Variants in LYPD6B observed in about 807,000 individuals in gnomAD.
LYPD6B encodes ly6/PLAUR domain-containing protein 6B.
A neutral mutation model predicts 22.8 loss-of-function variants in LYPD6B; 17 were observed. The ratio of observed to expected loss-of-function variants is 0.75; its 90% CI spans 0.51 to 1.12. The LOEUF is 1.12. Among genes scored for constraint, LYPD6B ranks in the 50% most tolerant of loss-of-function variants. LYPD6B has a pLI of 0.00. For missense variants in LYPD6B, 221 were observed against 258.3 expected (o/e 0.86, Z 0.99); for synonymous variants, 106 against 91.6 (o/e 1.16, Z -0.90).
chr2:149,177,448 C>T (rs1691395920), intron 3 of LYPD6B, among the ~76,000 whole-genome samples: 2 of 152,216 alleles, frequency 1.3e-5, no homozygotes, highest in Non-Finnish European at 2.9e-5. Flanking sequence ...CTATTTCCTT[C>T]TGTCTCTTAT....
chr2:149,082,480 A>G (rs1685181470), intron 1 of LYPD6B, among the ~76,000 whole-genome samples: 1 of 152,226 alleles, frequency 6.6e-6, no homozygotes, highest in East Asian at 1.9e-4. Context: ...GGAGAGAAAT[A>G]GAGAAGTTCT....
At chr2:149,117,782 A>T (rs918096776) in intron 1 of LYPD6B, among the ~76,000 whole-genome samples, 8 of 152,176 alleles carry the variant, frequency 5.3e-5, no homozygotes, top group Admixed American at 2.0e-4. Context: ...ATCTATTGCT[A>T]TGTAACAAAG....
At chr2:149,151,206 G>C (rs150556370) in intron 2 of LYPD6B, among the ~76,000 whole-genome samples, 1 of 152,086 alleles carries the variant, frequency 6.6e-6, no homozygotes, top group Non-Finnish European at 1.5e-5. Flanking sequence ...CTGGGTGGTG[G>C]GTATATATGG....
intron 2 of LYPD6B, among the ~76,000 whole-genome samples, chr2:149,155,391 T>A (rs1689632374): frequency 6.6e-6 from 1 of 152,132 alleles, no homozygotes; most frequent in Admixed American, 6.5e-5. Flanking sequence ...CAGGTGCAAG[T>A]GTCAGTATTG....
At chr2:149,175,360 A>G (rs2105953832) in intron 3 of LYPD6B, among the ~76,000 whole-genome samples, 1 of 152,264 alleles carries the variant, frequency 6.6e-6, no homozygotes, top group African/African-American at 2.4e-5. Context: ...AAAATACTGT[A>G]TGAAAGATAA....
intron 2 of LYPD6B, among the ~76,000 whole-genome samples, chr2:149,157,620 C>T (rs1198413584): frequency 6.6e-6 from 1 of 152,174 alleles, no homozygotes; most frequent in Non-Finnish European, 1.5e-5. Context: ...TCACACTGTG[C>T]CAGCTTTGTG....
chr2:149,082,565 T>A (rs932150131), intron 1 of LYPD6B, among the ~76,000 whole-genome samples: 14 of 151,988 alleles, frequency 9.2e-5, no homozygotes, highest in Non-Finnish European at 1.9e-4. Flanking sequence ...TTTATTGCAA[T>A]TTTTTTTGCC....
intron 1 of LYPD6B, among the ~76,000 whole-genome samples, chr2:149,085,570 T>C (rs538169908): frequency 6.6e-6 from 1 of 152,282 alleles, no homozygotes; most frequent in African/African-American, 2.4e-5. Flanking sequence ...AAGAGTTGAG[T>C]CCTTTAAAGT....
intron 1 of LYPD6B, chr2:149,119,073 T>C (rs937099014): frequency 2.6e-5 from 4 of 152,234 alleles, no homozygotes; most frequent in African/African-American, 7.2e-5. Flanking sequence ...AAATGAATCA[T>C]GTATAATTCC....
intron 2 of LYPD6B, 145 bp from the exon 3 acceptor site, chr2:149,160,619 G>A (rs1332892713): frequency 1.4e-6 from 1 of 691,986 alleles, no homozygotes; most frequent in Admixed American, 2.1e-5. Flanking sequence ...ATTTGATATT[G>A]TTCAATTGAC....
chr2:149,128,922 A>G (rs537097745), intron 1 of LYPD6B, among the ~76,000 whole-genome samples: 2 of 152,288 alleles, frequency 1.3e-5, no homozygotes, highest in Non-Finnish European at 2.9e-5. Flanking sequence ...AGAAAATCTG[A>G]TGAGAATTAT....
intron 2 of LYPD6B, among the ~76,000 whole-genome samples, chr2:149,135,596 G>A (rs1036131540): frequency 1.3e-5 from 2 of 151,144 alleles, no homozygotes; most frequent in East Asian, 2.0e-4. Context: ...GGCAGGCACC[G>A]GTAATCCCAG....
In LYPD6B at chr2:149,146,972, G is replaced by A. The variant is rs142870737; in HGVS notation, c.6-13792G>A. Among the ~76,000 whole-genome samples the A allele has an allele frequency of 9.4e-3, 1,437 of 152,250 alleles. 10 individuals carry two copies. The highest frequency in any genetic ancestry group is 0.014 in the Non-Finnish European group (954 of 68,022). ...AAGTCTAGAATTGAATCACGAATAC[G>A]GGTGCCCTCCTGAGGCCTCATCCCT... On this transcript the variant is annotated intron_variant, in intron 2 of 6. Coordinates refer to ENST00000409642, the MANE Select transcript of LYPD6B (RefSeq NM_177964.5).
intron 1 of LYPD6B, among the ~76,000 whole-genome samples, chr2:149,129,423 C>T (rs1312029755): frequency 6.6e-6 from 1 of 152,180 alleles, no homozygotes; most frequent in Non-Finnish European, 1.5e-5. Flanking sequence ...GAATATGTGT[C>T]CCAACCCATA....
intron 1 of LYPD6B, among the ~76,000 whole-genome samples, chr2:149,113,610 T>C (rs1417149022): frequency 6.6e-6 from 1 of 152,210 alleles, no homozygotes; most frequent in Non-Finnish European, 1.5e-5. Context: ...TGTAAGGTGC[T>C]TTCATGTGTA....
intron 2 of LYPD6B, among the ~76,000 whole-genome samples, chr2:149,155,025 T>A (rs1689610418): frequency 6.6e-6 from 1 of 152,186 alleles, no homozygotes; most frequent in Non-Finnish European, 1.5e-5. Flanking sequence ...CTTGAATTTT[T>A]TAAAAAATTT....
chr2:149,157,565 A>G (rs1575082451), intron 2 of LYPD6B, among the ~76,000 whole-genome samples: 1 of 152,156 alleles, frequency 6.6e-6, no homozygotes, highest in Non-Finnish European at 1.5e-5. Flanking sequence ...CAGTGTGCAA[A>G]AATGGTTGTT....
At chr2:149,158,281 T>C (rs1237559259) in intron 2 of LYPD6B, among the ~76,000 whole-genome samples, 2 of 152,148 alleles carry the variant, frequency 1.3e-5, no homozygotes, top group Non-Finnish European at 2.9e-5. Context: ...ATATAAAAAT[T>C]GATTCCAGGG....
chr2:149,121,227 T>G (rs1400745559), intron 1 of LYPD6B, among the ~76,000 whole-genome samples: 1 of 152,240 alleles, frequency 6.6e-6, no homozygotes, highest in African/African-American at 2.4e-5. Context: ...ACTAGTTTTC[T>G]TCATGAAGAT....
Sources: gnomAD v4.1 joint callset for allele counts (sites outside exome capture counted in the v4.1 genomes callset) on GRCh38, gnomAD v4.1.1 for gene constraint, MANE v1.5 for transcripts, NCBI Gene and HGNC (gene_info 2026-07-23, HGNC 2026-07-21) for gene names.